TRPA1: variants seen among roughly 807,000 people sequenced by gnomAD.
TRPA1 encodes ankyrin-like with transmembrane domains 1.
TRPA1 carries 129 observed loss-of-function variants against 131.3 expected under a neutral mutation model. The observed-to-expected ratio is 0.98, with a 90% confidence interval of 0.85 to 1.14. TRPA1 has a LOEUF of 1.14. Ranked by LOEUF, TRPA1 falls within the 50% of genes most tolerant of loss-of-function variation. The pLI is 0.00. For missense variants in TRPA1, 1,304 were observed against 1,354.2 expected, an observed-to-expected ratio of 0.96 and a Z score of 0.58; for synonymous variants, 441 against 451.7, an observed-to-expected ratio of 0.98 and a Z score of 0.30.
chr8:72,033,592 TA>T, intron 23 of TRPA1, 51 bp downstream of exon 23: 1 of 1,492,590 alleles, frequency 6.7e-7, no homozygotes, highest in Non-Finnish European at 9.3e-7. Context: ...ATTATCATTA[TA>T]AAATGTTTCA....
At chr8:72,052,906 C>T (rs2129435226) in intron 13 of TRPA1, 141 bp from the exon 14 acceptor site, 1 of 880,746 alleles carries the variant, frequency 1.1e-6, no homozygotes. Flanking sequence ...CAGAATCAAG[C>T]TTCAAAATAA....
At chr8:72,078,755 C>G (rs902752070), upstream of TRPA1, among the ~76,000 whole-genome samples, 34 of 151,882 alleles carry the variant, frequency 2.2e-4, no homozygotes, top group African/African-American at 7.7e-4. Context: ...TTTTATTTCT[C>G]TTGTTTAGAG....
chr8:72,052,016 G>T (rs1372030652), intron 14 of TRPA1, among the ~76,000 whole-genome samples: 4 of 152,198 alleles, frequency 2.6e-5, no homozygotes, highest in Admixed American at 2.0e-4. Flanking sequence ...TGGATTGTTT[G>T]TAACACAAAT....
At chr8:72,032,902 G>A (rs531608978) in intron 23 of TRPA1, among the ~76,000 whole-genome samples, 12 of 152,236 alleles carry the variant, frequency 7.9e-5, no homozygotes, top group Non-Finnish European at 1.6e-4. Flanking sequence ...ATGTGCATGC[G>A]TGCATAAATG....
At chr8:72,046,840 A>G (rs978422654) in intron 16 of TRPA1, among the ~76,000 whole-genome samples, 1 of 152,030 alleles carries the variant, frequency 6.6e-6, no homozygotes, top group African/African-American at 2.4e-5. Flanking sequence ...TCTCATAGGC[A>G]TGGAAAGAGA....
intron 18 of TRPA1, 70 bp downstream of exon 18, chr8:72,039,657 A>G: frequency 9.9e-7 from 1 of 1,008,800 alleles, no homozygotes; most frequent in Middle Eastern, 2.1e-4. Context: ...TTACAATATA[A>G]TTGTTTTGAA....
rs201892958 is a variant in TRPA1 at position 72,023,791 on chromosome 8, C to A, written c.3149+23G>T. 70 of 1,328,174 alleles carry A rather than the reference C, an allele frequency of 5.3e-5. No homozygotes were observed. The African/African-American group carries it at 9.2e-4, about 17-fold the overall frequency. 82.3% of individuals were successfully genotyped at this position (1,328,174 alleles called of 1,614,324 possible). ...TTATGAGTTTTAAATTTCTCAAGTA[C>A]AGATAGAAGGAAAAATACATACCGG... On this transcript the variant is annotated intron_variant, in intron 26 of 26. Coordinates refer to ENST00000262209, the MANE Select transcript of TRPA1 (RefSeq NM_007332.3).
chr8:72,056,034 C>T (rs1179568992), intron 10 of TRPA1, 179 bp from the exon 11 acceptor site: 2 of 655,364 alleles, frequency 3.1e-6, no homozygotes, highest in Non-Finnish European at 5.4e-6. Flanking sequence ...GTTGAATGCT[C>T]TGTCTTCATT....
chr8:72,048,366 G>A (rs1283628510), intron 15 of TRPA1, among the ~76,000 whole-genome samples: 1 of 152,042 alleles, frequency 6.6e-6, no homozygotes, highest in East Asian at 1.9e-4. Flanking sequence ...TGAGGGTAGA[G>A]GGTCAGACTA....
At position 72,065,577 on chromosome 8, in the gene TRPA1, A is replaced by G. The variant is rs771534077; in HGVS notation, c.445-19T>C. On this transcript the variant is annotated intron_variant, in intron 3 of 26. Coordinates refer to ENST00000262209, the MANE Select transcript of TRPA1 (RefSeq NM_007332.3). ...GCAAGACCTAAAAAAAGGGGAGAAT[A>G]ATTGTCAAAATTTTTGCAGATTTCC... is the stretch of plus-strand genomic sequence containing the variant. The G allele has an allele frequency of 6.2e-7, 1 of 1,603,432 alleles. No individual in the cohort carries two copies. Among genetic ancestry groups the G allele is most frequent in the East Asian group, 2.2e-5 (1 of 44,632 alleles).
the TRPA1 span, among the ~76,000 whole-genome samples, chr8:72,081,089 T>C: frequency 5.5e-3 from 834 of 151,978 alleles, 8 homozygotes; most frequent in Middle Eastern, 0.01. Context: ...TTTGCTCTTC[T>C]TCCTTTACCT....
intron 24 of TRPA1, among the ~76,000 whole-genome samples, chr8:72,028,267 A>T (rs1811676272): frequency 6.6e-6 from 1 of 152,212 alleles, no homozygotes; most frequent in Non-Finnish European, 1.5e-5. Flanking sequence ...GCACTTCATC[A>T]TTTAGTGCCC....
chr8:72,036,562 C>T (rs986669049), intron 20 of TRPA1, 105 bp from the exon 21 acceptor site: 2 of 1,121,830 alleles, frequency 1.8e-6, no homozygotes, highest in African/African-American at 1.6e-5. Flanking sequence ...TTGCAGCCAG[C>T]TGGGGAGAAG....
chr8:72,059,385 G>A lies in TRPA1; in HGVS notation c.993+5C>T, dbSNP rs372006667. ...TAAAAATAAACCAGTAAAAGGAATA[G>A]TTACCACTGAAATTAAATAGTCTGC... On this transcript the variant is annotated splice_donor_5th_base_variant and intron_variant, in intron 8 of 26. Coordinates refer to ENST00000262209, the MANE Select transcript of TRPA1 (RefSeq NM_007332.3). The A allele has an allele frequency of 7.7e-6, 12 of 1,550,158 alleles. No individual in the cohort carries two copies. Among genetic ancestry groups the A allele is most frequent in the Admixed American group, 3.4e-5 (2 of 59,270 alleles).
Position 72,065,569 on chromosome 8 carries a change from G to T in TRPA1, c.445-11C>A. ...ATGCTCAAGCAAGACCTAAAAAAAG[G>T]GGAGAATAATTGTCAAAATTTTTGC... On this transcript the variant is annotated splice_polypyrimidine_tract_variant and intron_variant, in intron 3 of 26. Transcript: ENST00000262209. 1 of 1,608,758 alleles carries T rather than the reference G, an allele frequency of 6.2e-7. No homozygotes were observed. The highest frequency in any genetic ancestry group is 8.5e-7 in the Non-Finnish European group (1 of 1,175,914).
chr8:72,089,520 C>A, the TRPA1 span, among the ~76,000 whole-genome samples: 11 of 152,012 alleles, frequency 7.2e-5, no homozygotes, highest in African/African-American at 2.4e-4. Context: ...TTATCTTAAG[C>A]AGCTAACACA....
At chr8:72,046,476 A>C (rs1401342054) in intron 17 of TRPA1, 37 bp downstream of exon 17, 1 of 1,286,734 alleles carries the variant, frequency 7.8e-7, no homozygotes, top group African/African-American at 1.5e-5. Flanking sequence ...AAAAGAAAAA[A>C]AAGAAACTAT....
In TRPA1 at chr8:72,029,658, G is replaced by C. The variant is rs924335489; in HGVS notation, c.2937+243C>G. The C allele has an allele frequency of 3.7e-5, 22 of 587,792 alleles. 1 individual carries two copies. The Middle Eastern group carries it at 2.8e-3, about 75-fold the overall frequency. The allele number at this position is 587,792 out of a possible 1,614,324, so 36.4% of individuals were successfully genotyped here. A position where few individuals can be genotyped will look rare whatever the true frequency, so the allele number is the denominator to read the frequency against. ...ATCTGTACTTCAAATTTTAAACTTT[G>C]ATCTGTTCTGGGCTAGCAGTATGTG... is the stretch of plus-strand genomic sequence containing the variant. On this transcript the variant is annotated intron_variant, in intron 24 of 26. Coordinates refer to ENST00000262209, the MANE Select transcript of TRPA1 (RefSeq NM_007332.3).
chr8:72,037,252 C>T (rs149563419), intron 20 of TRPA1, among the ~76,000 whole-genome samples: 1,960 of 152,104 alleles, frequency 0.013, 56 homozygotes, highest in Admixed American at 0.074. Context: ...TATGTGCTTA[C>T]GTGATGCAAC....
Sources: gnomAD v4.1 joint callset for allele counts (sites outside exome capture counted in the v4.1 genomes callset) on GRCh38, gnomAD v4.1.1 for gene constraint, MANE v1.5 for transcripts, NCBI Gene and HGNC (gene_info 2026-07-23, HGNC 2026-07-21) for gene names.